Variants in NAA15 observed in about 807,000 individuals in gnomAD.
NAA15 encodes the protein N-alpha-acetyltransferase 15, NatA auxiliary subunit, also known as N-terminal acetyltransferase.
Under a neutral mutation model 114.0 loss-of-function variants are expected in NAA15, and 34 were observed. The observed-to-expected ratio is 0.30, with a 90% CI of 0.23 to 0.40. The LOEUF is 0.40. NAA15 is among the 10% of genes least tolerant of loss of function. The pLI, the probability that NAA15 is intolerant of heterozygous loss-of-function variation, is 1.00. For missense variants in NAA15, 658 were observed against 1,004.5 expected (o/e 0.66, Z 4.66); for synonymous variants, 340 against 338.0 (o/e 1.01, Z -0.06).
At chr4:139,336,503 A>G (rs1018920317) in intron 2 of NAA15, among the ~76,000 whole-genome samples, 2 of 152,138 alleles carry the variant, frequency 1.3e-5, no homozygotes, top group African/African-American at 2.4e-5. Context: ...AAGTTTTTAT[A>G]TTTTAATGAA....
At chr4:139,332,071 C>T (rs1048458587) in intron 1 of NAA15, among the ~76,000 whole-genome samples, 9 of 152,138 alleles carry the variant, frequency 5.9e-5, no homozygotes, top group African/African-American at 2.2e-4. Context: ...CTCTGCTCCA[C>T]TCTGGAGTGG....
intron 14 of NAA15, among the ~76,000 whole-genome samples, chr4:139,364,854 G>A (rs1748233556): frequency 1.3e-5 from 2 of 152,010 alleles, no homozygotes; most frequent in South Asian, 4.1e-4. Flanking sequence ...TTCTATGTAG[G>A]CCAGTATGTT....
At chr4:139,311,094 A>G (rs1320059856) in intron 1 of NAA15, among the ~76,000 whole-genome samples, 2 of 151,628 alleles carry the variant, frequency 1.3e-5, no homozygotes, top group Admixed American at 6.6e-5. Flanking sequence ...CTGGCTAAAC[A>G]GGTGTCCTTT....
At chr4:139,365,984 T>G (rs1748269837) in intron 14 of NAA15, among the ~76,000 whole-genome samples, 1 of 152,050 alleles carries the variant, frequency 6.6e-6, no homozygotes. Flanking sequence ...TATAGTTTTG[T>G]GTTTCCAGAA....
chr4:139,344,536 TG>T (rs1192916842), intron 6 of NAA15, among the ~76,000 whole-genome samples, 197 bp downstream of exon 6: 1 of 152,132 alleles, frequency 6.6e-6, no homozygotes, highest in Non-Finnish European at 1.5e-5. Context: ...AGGAGAAAGT[TG>T]ATTGTGAACA....
chr4:139,301,948 A>G, intron 1 of NAA15, 117 bp downstream of exon 1: 1 of 1,120,506 alleles, frequency 8.9e-7, no homozygotes. Context: ...CCGCCTTCAT[A>G]GCTCTCGTCA....
chr4:139,357,280 C>T lies in NAA15; in HGVS notation c.1088-106C>T, dbSNP rs1006239110. ...TTTTATAGCTAGATACATAAATAAA[C>T]TCCTTTCATAGTACCTCCCTTGTTA... On this transcript the variant is annotated intron_variant, in intron 10 of 19. Transcript: ENST00000296543. 14 of 902,414 alleles carry T rather than the reference C, an allele frequency of 1.6e-5. No homozygotes were observed. The African/African-American group carries it at 1.7e-4, about 11-fold the overall frequency. The allele number at this position is 902,414 out of a possible 1,614,324, so 55.9% of individuals were successfully genotyped here.
chr4:139,354,592 T>C (rs1747881617), intron 10 of NAA15, among the ~76,000 whole-genome samples: 1 of 152,198 alleles, frequency 6.6e-6, no homozygotes, highest in Admixed American at 6.5e-5. Context: ...GGCCACTGTG[T>C]CCCACCTCGC....
chr4:139,381,538 C>T (rs987270182), intron 17 of NAA15, among the ~76,000 whole-genome samples: 7 of 151,684 alleles, frequency 4.6e-5, no homozygotes, highest in Admixed American at 1.3e-4. Flanking sequence ...GTTTATTAAA[C>T]CTTGTTTAAT....
At chr4:139,331,617 A>ATTTTTTTTTTT (rs34467609) in intron 1 of NAA15, among the ~76,000 whole-genome samples, 1 of 127,864 alleles carries the variant, frequency 7.8e-6, no homozygotes, top group Non-Finnish European at 1.6e-5. Context: ...TGCCCGGCTA[A>ATTTTTTTTTTT]TTTTTTTTTT....
At chr4:139,385,041 A>G (rs1402020760) in intron 18 of NAA15, 63 bp downstream of exon 18, 9 of 1,300,814 alleles carry the variant, frequency 6.9e-6, no homozygotes, top group East Asian at 5.1e-5. Flanking sequence ...TGAATCAACA[A>G]TAATATAAGG....
intron 19 of NAA15, 187 bp downstream of exon 19, chr4:139,386,417 A>G (rs1191909441): frequency 1.2e-5 from 5 of 419,480 alleles, no homozygotes; most frequent in Non-Finnish European, 2.1e-5. Flanking sequence ...GCTTGGAATA[A>G]CTTTTTAAGA....
chr4:139,372,402 T>C (rs1748467207), intron 15 of NAA15, among the ~76,000 whole-genome samples: 1 of 152,218 alleles, frequency 6.6e-6, no homozygotes, highest in African/African-American at 2.4e-5. Flanking sequence ...TAGCCATGAT[T>C]GTAGAGTCTG....
chr4:139,329,471 A>G (rs917803807), intron 1 of NAA15, among the ~76,000 whole-genome samples: 5 of 152,178 alleles, frequency 3.3e-5, no homozygotes, highest in African/African-American at 9.7e-5. Context: ...GTTGTGGTGC[A>G]CAGTGAAGAT....
intron 1 of NAA15, among the ~76,000 whole-genome samples, chr4:139,313,544 C>CTT (rs36015550): frequency 3.5e-5 from 5 of 142,632 alleles, no homozygotes; most frequent in South Asian, 2.2e-4. Context: ...ATATTTCTTT[C>CTT]TTTTTTTTTT....
intron 6 of NAA15, among the ~76,000 whole-genome samples, chr4:139,348,658 G>A (rs774333688): frequency 4.6e-5 from 7 of 152,160 alleles, no homozygotes; most frequent in Non-Finnish European, 1.0e-4. Context: ...TGGCTTTGGA[G>A]CTCATATATA....
At chr4:139,322,794 C>T (rs1030024654) in intron 1 of NAA15, among the ~76,000 whole-genome samples, 3 of 152,086 alleles carry the variant, frequency 2.0e-5, no homozygotes, top group South Asian at 4.1e-4. Flanking sequence ...TGGGTTCAAG[C>T]GATTCTTGTG....
intron 14 of NAA15, among the ~76,000 whole-genome samples, chr4:139,368,727 AG>A (rs1158914095): frequency 6.6e-6 from 1 of 151,796 alleles, no homozygotes; most frequent in Admixed American, 6.6e-5. Flanking sequence ...GCGGGGGTGG[AG>A]GGGGGTCCTG....
At chr4:139,331,410 C>T (rs556963933) in intron 1 of NAA15, among the ~76,000 whole-genome samples, 1 of 151,972 alleles carries the variant, frequency 6.6e-6, no homozygotes, top group African/African-American at 2.4e-5. Flanking sequence ...TTCCTCATTC[C>T]TCAACATAAT....
Sources: gnomAD v4.1 joint callset for allele counts (sites outside exome capture counted in the v4.1 genomes callset) on GRCh38, gnomAD v4.1.1 for gene constraint, MANE v1.5 for transcripts, NCBI Gene and HGNC (gene_info 2026-07-23, HGNC 2026-07-21) for gene names.